The following DISP3 variants were observed in gnomAD, a reference collection of about 807,000 sequenced individuals.
DISP3 encodes protein dispatched homolog 3.
DISP3 carries 101 observed loss-of-function variants against 135.3 expected under a neutral mutation model. The ratio of observed to expected loss-of-function variants is 0.75; its 90% CI spans 0.64 to 0.88. The LOEUF (loss-of-function observed/expected upper bound fraction) is 0.88, where lower values mean the gene tolerates loss of function less well. DISP3 is among the 40% of genes least tolerant of loss of function. The pLI, the probability that DISP3 is intolerant of heterozygous loss-of-function variation, is 0.00. For missense variants in DISP3, 1,713 were observed against 1,878.6 expected (o/e 0.91, Z 1.63); for synonymous variants, 856 against 817.0 (o/e 1.05, Z -0.81).
At position 11,536,703 on chromosome 1, in the gene DISP3, G is replaced by T. The variant is rs1444137306; in HGVS notation, c.*17G>T. 2.6e-6 allele frequency: 4 copies of T among 1,524,962 alleles called. No individual in the cohort carries two copies. The highest frequency in any genetic ancestry group is 3.5e-6 in the Non-Finnish European group (4 of 1,137,870). The allele number at this position is 1,524,962 out of a possible 1,614,324, so 94.5% of individuals were successfully genotyped here. On this transcript the variant is annotated 3_prime_UTR_variant, in exon 21 of 21. Coordinates refer to ENST00000294484, the MANE Select transcript of DISP3 (RefSeq NM_020780.2). The surrounding 1 kb of genome is among the most constrained non-coding windows in gnomAD (Gnocchi z 4.3). ...TCCCTATAGCCCGGGACGGGCTCTG[G>T]ACACTTGCACCTTTGGTCCCATGGG...
intron 15 of DISP3, 99 bp downstream of exon 15, chr1:11,530,058 C>G: frequency 6.8e-7 from 1 of 1,474,704 alleles, no homozygotes. Context: ...CTCACACCCC[C>G]TCTTGGCTCC....
intron 3 of DISP3, among the ~76,000 whole-genome samples, chr1:11,513,325 T>C (rs540453393): frequency 1.3e-5 from 2 of 152,308 alleles, no homozygotes; most frequent in Non-Finnish European, 2.9e-5. Flanking sequence ...AGTACAAGTA[T>C]ACTGGATATG....
chr1:11,529,439 C>T lies in DISP3; in HGVS notation c.2799-117C>T. The T allele has an allele frequency of 1.6e-6, 2 of 1,244,842 alleles. No individual in the cohort carries two copies. The highest frequency in any genetic ancestry group is 2.2e-6 in the Non-Finnish European group (2 of 899,686). The allele number at this position is 1,244,842 out of a possible 1,614,324, so 77.1% of individuals were successfully genotyped here. A position where few individuals can be genotyped will look rare whatever the true frequency, so the allele number is the denominator to read the frequency against. Reference sequence around the variant, plus strand: ...AACAAATCCCCATGCCGGGGCAGAGCCCGAGTCCAGACCCCATGACACCCC... The same window carrying T: ...AACAAATCCCCATGCCGGGGCAGAGTCCGAGTCCAGACCCCATGACACCCC... On this transcript the variant is annotated intron_variant, in intron 13 of 20. Coordinates refer to ENST00000294484, the MANE Select transcript of DISP3 (RefSeq NM_020780.2). The surrounding 1 kb of genome is among the most constrained non-coding windows in gnomAD (Gnocchi z 4.7).
At chr1:11,484,445 G>T (rs907109364) in intron 1 of DISP3, among the ~76,000 whole-genome samples, 1 of 152,222 alleles carries the variant, frequency 6.6e-6, no homozygotes, top group African/African-American at 2.4e-5. Context: ...TTGCTGGCAT[G>T]TGTACCAGCA....
At chr1:11,524,708 C>T (rs1475844280) in intron 11 of DISP3, among the ~76,000 whole-genome samples, 1 of 141,710 alleles carries the variant, frequency 7.1e-6, no homozygotes, top group African/African-American at 2.7e-5. Flanking sequence ...CCTCCCCCAC[C>T]ATCCCTGCCA....
intron 1 of DISP3, among the ~76,000 whole-genome samples, chr1:11,489,193 G>A (rs1641116589): frequency 6.6e-6 from 1 of 152,238 alleles, no homozygotes; most frequent in Non-Finnish European, 1.5e-5. Flanking sequence ...CCCTCTCCCA[G>A]AGCTCCATCC....
rs527913447 is a variant in DISP3, at chr1:11,493,400, A to C, written c.-3-7590A>C. The stretch of plus-strand genomic sequence containing the variant: ...TTGAGGCCCACCCTCATTAGTGAGA[A>C]CCATCTGCTTTACTCTGTGTACTGA... On this transcript the variant is annotated intron_variant, in intron 1 of 20. Transcript: ENST00000294484. Among the ~76,000 whole-genome samples, 4 of 152,318 alleles carry C rather than the reference A, an allele frequency of 2.6e-5. No homozygotes were observed. The South Asian group carries it at 8.3e-4, about 32-fold the overall frequency.
At position 11,525,282 on chromosome 1, in the gene DISP3, G is replaced by T; in HGVS notation, c.2583G>T (p.Ser861=). ...TGCCTGCTCCTTGGCAGGCTGTGTC[G>T]CCTGGGGATGGAGAGGTGCCCTCCT... ...ASLPAPWQAV[S]PGDGEVPSFQ... is the part of the protein sequence containing the mutation. Residue 861 remains serine (S), a synonymous_variant, in exon 12 of 21, where the codon TCG becomes TCT. Transcript: ENST00000294484. 6.2e-7 allele frequency: 1 copy of T among 1,613,882 alleles called. No individual in the cohort carries two copies. The highest frequency in any genetic ancestry group is 8.5e-7 in the Non-Finnish European group (1 of 1,179,872).
intron 17 of DISP3, chr1:11,533,720 A>G (rs1642631151): frequency 5.5e-6 from 1 of 181,128 alleles, no homozygotes; most frequent in East Asian, 1.1e-4. Context: ...TGACCCCACC[A>G]GCACTCAGAC....
At chr1:11,496,483 A>G (rs1013738057) in intron 1 of DISP3, among the ~76,000 whole-genome samples, 13 of 152,120 alleles carry the variant, frequency 8.5e-5, no homozygotes, top group Non-Finnish European at 1.3e-4. Flanking sequence ...CTCCACCCCC[A>G]TGGCCACAGT....
chr1:11,497,610 G>A (rs766846990), intron 1 of DISP3, among the ~76,000 whole-genome samples: 7 of 152,066 alleles, frequency 4.6e-5, no homozygotes, highest in Non-Finnish European at 8.8e-5. Context: ...GGACGGTCTC[G>A]ATCTCCTGAC....
chr1:11,497,392 C>T (rs958030085), intron 1 of DISP3, among the ~76,000 whole-genome samples: 2 of 148,522 alleles, frequency 1.3e-5, no homozygotes, highest in African/African-American at 4.9e-5. Context: ...TCCATTGTAT[C>T]ATTCTTTTTT....
rs1642511744 is a variant in DISP3 at position 11,529,346 on chromosome 1, G to T, written c.2799-210G>T. On this transcript the variant is annotated intron_variant, in intron 13 of 20. Transcript: ENST00000294484. This position sits in a 1 kb window ranked among gnomAD's most constrained non-coding sequence, Gnocchi z 4.7. ...TACTAGGTTCCCATAGTCAGCCTTG[G>T]CAGGGGCAGGGCTAGAACAGCCTCC... 6.6e-6 allele frequency among the ~76,000 whole-genome samples: 1 copy of T among 152,096 alleles called. No homozygotes were observed. Among genetic ancestry groups the T allele is most frequent in the Non-Finnish European group, 1.5e-5 (1 of 68,004 alleles).
At chr1:11,495,728 G>A (rs999362919) in intron 1 of DISP3, among the ~76,000 whole-genome samples, 2 of 152,180 alleles carry the variant, frequency 1.3e-5, no homozygotes, top group Non-Finnish European at 2.9e-5. Flanking sequence ...CATCTCAGGG[G>A]AATAGGTGAT....
intron 3 of DISP3, among the ~76,000 whole-genome samples, chr1:11,508,521 C>T (rs1028420768): frequency 3.3e-5 from 5 of 151,738 alleles, no homozygotes; most frequent in East Asian, 1.9e-4. Flanking sequence ...TGTCACCTTC[C>T]GTGTGTCTTC....
chr1:11,523,972 A>G lies in DISP3; in HGVS notation c.2393A>G (p.Gln798Arg). The change falls in exon 11 of 21, where the codon CAG (glutamine) becomes CGG (arginine). Residue 798 changes from glutamine to arginine, a missense_variant. Around this residue, in one of 2 missense-constraint regions of DISP3, gnomAD observed 1,142 missense variants for 1,384.6 expected, o/e 0.82. Coordinates refer to ENST00000294484, the MANE Select transcript of DISP3 (RefSeq NM_020780.2). The stretch of plus-strand genomic sequence containing the variant: ...TTCCAGGAGAAGCCCCACAGCCTGC[A>G]GAACAACATCCGGACGTCCCTGGAG... Reference protein sequence around the residue: ...GLFQEKPHSLQNNIRTSLEKK... With the variant: ...GLFQEKPHSLRNNIRTSLEKK... 2 of 1,613,202 alleles carry G rather than the reference A, an allele frequency of 1.2e-6. No homozygotes were observed. Among genetic ancestry groups the G allele is most frequent in the Non-Finnish European group, 1.7e-6 (2 of 1,179,640 alleles).
chr1:11,500,843 T>C, intron 1 of DISP3, 147 bp from the exon 2 acceptor site: 1 of 839,832 alleles, frequency 1.2e-6, no homozygotes, highest in East Asian at 2.6e-5. Flanking sequence ...TTCAGTTGTG[T>C]TGATGCATGC....
At chr1:11,479,528 G>A (rs985125892) in intron 1 of DISP3, among the ~76,000 whole-genome samples, 156 bp downstream of exon 1, 6 of 152,234 alleles carry the variant, frequency 3.9e-5, no homozygotes, top group Non-Finnish European at 7.3e-5. Context: ...CGGGATGCGG[G>A]CCTCGGAGCC....
At chr1:11,485,213 G>A (rs1296211687) in intron 1 of DISP3, among the ~76,000 whole-genome samples, 2 of 152,050 alleles carry the variant, frequency 1.3e-5, no homozygotes, top group Non-Finnish European at 2.9e-5. Context: ...GTCCCCTGGG[G>A]CTGAGACGGC....
Sources: gnomAD v4.1 joint callset for allele counts (sites outside exome capture counted in the v4.1 genomes callset) on GRCh38, gnomAD v4.1.1 for gene constraint, gnomAD v4.1.1 regional missense constraint, Gnocchi (gnomAD v3.1) non-coding constraint, MANE v1.5 for transcripts, NCBI Gene and HGNC (gene_info 2026-07-23, HGNC 2026-07-21) for gene names.